Variants in CNGA3 observed in about 807,000 individuals in gnomAD.
CNGA3 encodes cyclic nucleotide-gated channel alpha-3.
In CNGA3, 42 loss-of-function variants were observed where a neutral mutation model predicts 46.6. The ratio of observed to expected loss-of-function variants is 0.90; its 90% CI spans 0.70 to 1.17. The LOEUF is 1.17. Among genes scored for constraint, CNGA3 ranks in the 50% most tolerant of loss-of-function variants. The pLI, the probability that CNGA3 is intolerant of heterozygous loss-of-function variation, is 0.00. For synonymous variants in CNGA3, 394 were observed against 369.4 expected (o/e 1.07, Z -0.76); for missense variants, 893 against 890.7 (o/e 1.00, Z -0.03).
chr2:98,346,616 A>T (rs972467738), intron 1 of CNGA3, 82 bp downstream of exon 1: 2 of 395,776 alleles, frequency 5.1e-6, no homozygotes, highest in Non-Finnish European at 8.9e-6. Context: ...CCCATACAGG[A>T]GGTAAGTTAG....
intron 1 of CNGA3, among the ~76,000 whole-genome samples, chr2:98,356,889 T>A (rs1227370710): frequency 6.6e-6 from 1 of 152,184 alleles, no homozygotes; most frequent in African/African-American, 2.4e-5. Flanking sequence ...TTCCCACTTA[T>A]AAATTCCAAG....
At chr2:98,354,213 T>C (rs1691829690) in intron 1 of CNGA3, among the ~76,000 whole-genome samples, 1 of 152,252 alleles carries the variant, frequency 6.6e-6, no homozygotes, top group Non-Finnish European at 1.5e-5. Context: ...TATTGTTGTA[T>C]TGTTATTCTT....
chr2:98,391,545 C>G (rs1015831954), intron 6 of CNGA3, among the ~76,000 whole-genome samples: 1 of 152,176 alleles, frequency 6.6e-6, no homozygotes, highest in Non-Finnish European at 1.5e-5. Context: ...TCTTTAGCCC[C>G]TTTACCTGAC....
chr2:98,382,058 G>A (rs748859382), intron 4 of CNGA3, among the ~76,000 whole-genome samples: 1 of 152,194 alleles, frequency 6.6e-6, no homozygotes, highest in Non-Finnish European at 1.5e-5. Context: ...GACAAATGGA[G>A]GGTTGAGCTA....
chr2:98,372,723 G>C (rs1692314868), intron 2 of CNGA3, among the ~76,000 whole-genome samples: 1 of 152,146 alleles, frequency 6.6e-6, no homozygotes, highest in Non-Finnish European at 1.5e-5. Context: ...TCCTGGCACA[G>C]TCCCTGCTAT....
At chr2:98,368,485 C>T (rs1315998766) in intron 1 of CNGA3, among the ~76,000 whole-genome samples, 1 of 152,238 alleles carries the variant, frequency 6.6e-6, no homozygotes, top group Admixed American at 6.5e-5. Context: ...GCCAATCACA[C>T]CAGCCCTGCT....
At chr2:98,387,323 G>A (rs1342403539) in intron 5 of CNGA3, among the ~76,000 whole-genome samples, 1 of 152,172 alleles carries the variant, frequency 6.6e-6, no homozygotes, top group African/African-American at 2.4e-5. Flanking sequence ...TTAGGTAATT[G>A]TGAATGGATC....
rs1486300254 is a variant in CNGA3 at position 98,392,597 on chromosome 2, A to ATG, written c.673+627_673+628insTG. Among the ~76,000 whole-genome samples, 639 of 151,704 alleles carry ATG rather than the reference A, an allele frequency of 4.2e-3. 5 individuals are homozygous for ATG. Among genetic ancestry groups the ATG allele is most frequent in the African/African-American group, 0.015 (619 of 41,038 alleles). On this transcript the variant is annotated intron_variant, in intron 7 of 7. Coordinates refer to ENST00000272602, the MANE Select transcript of CNGA3 (RefSeq NM_001298.3). ...AAAAAAAGAAAAGAAAAGAAAAGAAAAAAAAAGAAAAGAAGTAAGCAGGCC... is the reference window on the plus strand; with the variant it reads ...AAAAAAAGAAAAGAAAAGAAAAGAAATGAAAAAAGAAAAGAAGTAAGCAGGCC...
chr2:98,395,624 A>G (rs572907701), intron 7 of CNGA3, among the ~76,000 whole-genome samples: 1 of 152,316 alleles, frequency 6.6e-6, no homozygotes, highest in South Asian at 2.1e-4. Context: ...CAATCAACCT[A>G]TGTTTTAAAA....
intron 1 of CNGA3, among the ~76,000 whole-genome samples, chr2:98,367,160 A>C (rs1252252336): frequency 1.6e-5 from 2 of 126,994 alleles, no homozygotes. Flanking sequence ...AACCTCTGAC[A>C]TCAGCTGTTT....
intron 3 of CNGA3, chr2:98,378,242 C>T (rs545029671): frequency 2.0e-6 from 3 of 1,537,882 alleles, no homozygotes; most frequent in East Asian, 2.4e-5. Flanking sequence ...CTTGCAAAAG[C>T]ATTTGTTTGC....
chr2:98,386,716 T>C (rs1488440454), intron 5 of CNGA3, among the ~76,000 whole-genome samples: 1 of 151,910 alleles, frequency 6.6e-6, no homozygotes, highest in Non-Finnish European at 1.5e-5. Flanking sequence ...TCAGAGAAAG[T>C]AAATGGAAGA....
At chr2:98,377,576 G>A (rs904663287) in intron 2 of CNGA3, 111 bp from the exon 3 acceptor site, 9 of 998,140 alleles carry the variant, frequency 9.0e-6, no homozygotes, top group Non-Finnish European at 1.4e-5. Flanking sequence ...GAGGATCTGT[G>A]AGGGTGGCTT....
At chr2:98,372,331 GC>G (rs916437407) in intron 2 of CNGA3, among the ~76,000 whole-genome samples, 1 of 152,236 alleles carries the variant, frequency 6.6e-6, no homozygotes, top group Non-Finnish European at 1.5e-5. Context: ...GCTAATAGCA[GC>G]CACTGGCCTC....
chr2:98,377,907 T>G, intron 3 of CNGA3, 107 bp downstream of exon 3: 1 of 1,323,984 alleles, frequency 7.6e-7, no homozygotes, highest in Non-Finnish European at 1.0e-6. Context: ...GTTGAAGATT[T>G]GGAAAAGAAA....
At chr2:98,377,021 T>C (rs1371297440) in intron 2 of CNGA3, among the ~76,000 whole-genome samples, 1 of 152,166 alleles carries the variant, frequency 6.6e-6, no homozygotes, top group Admixed American at 6.5e-5. Flanking sequence ...ACCTCTGCCT[T>C]GCAGGAGAGA....
At chr2:98,388,023 GC>G (rs1692692098) in intron 5 of CNGA3, among the ~76,000 whole-genome samples, 2 of 152,170 alleles carry the variant, frequency 1.3e-5, no homozygotes, top group African/African-American at 4.8e-5. Flanking sequence ...ATTAGACTGA[GC>G]CACTAATTTC....
At chr2:98,366,469 C>T (rs1692154437) in intron 1 of CNGA3, among the ~76,000 whole-genome samples, 1 of 152,198 alleles carries the variant, frequency 6.6e-6, no homozygotes, top group African/African-American at 2.4e-5. Context: ...CTCATCCAGA[C>T]TGCCCGATTC....
Position 98,369,735 on chromosome 2 carries a change from A to G in CNGA3, c.-37-204A>G, listed in dbSNP as rs149843128. On this transcript the variant is annotated intron_variant, in intron 1 of 7. Coordinates refer to ENST00000272602, the MANE Select transcript of CNGA3 (RefSeq NM_001298.3). ...GCATGGTAGCATAAACAAATGAGTA[A>G]AAGACTTTGTGCCTTATGCTAGAAA... Among the ~76,000 whole-genome samples, 501 of 152,324 alleles carry G rather than the reference A, an allele frequency of 3.3e-3. 4 individuals are homozygous for G. Among genetic ancestry groups the G allele is most frequent in the African/African-American group, 0.011 (471 of 41,564 alleles).
Sources: allele counts gnomAD v4.1 joint callset (sites outside exome capture counted in the v4.1 genomes callset), GRCh38; gene constraint gnomAD v4.1.1; transcripts MANE v1.5; gene names NCBI Gene and HGNC (gene_info 2026-07-23, HGNC 2026-07-21).